The following ADARB2 variants were observed in gnomAD, a reference collection of about 807,000 sequenced individuals.
ADARB2 encodes adenosine deaminase RNA specific B2 (inactive), also known as inactive double-stranded RNA-specific editase B2.
Under a neutral mutation model 62.2 loss-of-function variants are expected in ADARB2, and 25 were observed. The ratio of observed to expected loss-of-function variants is 0.40; its 90% CI spans 0.29 to 0.56. The LOEUF is 0.56. ADARB2 is among the 20% of genes least tolerant of loss of function. ADARB2 has a pLI of 0.43. For synonymous variants in ADARB2, 572 were observed against 500.8 expected, an observed-to-expected ratio of 1.14 and a Z score of -1.90; for missense variants, 1,071 against 1,077.4, an observed-to-expected ratio of 0.99 and a Z score of 0.08.
intron 1 of ADARB2, among the ~76,000 whole-genome samples, chr10:1,597,651 G>C (rs1833352326): frequency 1.3e-5 from 2 of 152,200 alleles, no homozygotes; most frequent in Non-Finnish European, 2.9e-5. Flanking sequence ...GAAGCAAAGG[G>C]AATGCTACTA....
intron 3 of ADARB2, among the ~76,000 whole-genome samples, chr10:1,340,759 G>A (rs1589197426): frequency 2.1e-5 from 3 of 140,776 alleles, no homozygotes; most frequent in African/African-American, 8.4e-5. Flanking sequence ...AGAACCACGT[G>A]CCCCACAGCG....
rs761176439 is a variant in ADARB2 at position 1,363,229 on chromosome 10, G to A, written c.876C>T (p.Tyr292=). Reference sequence around the variant, plus strand: ...GCTCGGCCGGTTCTGCCAGACACACGTAGCGCAGCCCGGCGCGCAGGCGGT... The same window carrying A: ...GCTCGGCCGGTTCTGCCAGACACACATAGCGCAGCCCGGCGCGCAGGCGGT... ...LLNRLRAGLR[Y]VCLAEPAERR... is the part of the protein sequence containing the mutation. The change falls in exon 3 of 10, where the codon TAC becomes TAT. Residue 292 remains tyrosine, a synonymous_variant. Transcript: ENST00000381312. 4.2e-6 allele frequency: 6 copies of A among 1,423,590 alleles called. No individual in the cohort carries two copies. Among genetic ancestry groups the A allele is most frequent in the Middle Eastern group, 1.8e-4 (1 of 5,510 alleles). The allele number at this position is 1,423,590 out of a possible 1,614,324, so 88.2% of individuals were successfully genotyped here.
chr10:1,474,207 A>G (rs1430592816), intron 1 of ADARB2, among the ~76,000 whole-genome samples: 2 of 152,222 alleles, frequency 1.3e-5, no homozygotes, highest in Non-Finnish European at 2.9e-5. Flanking sequence ...CATCTTCTCC[A>G]TGGACACCCT....
At chr10:1,328,996 TAAAAAAAAA>T (rs376461606) in intron 3 of ADARB2, among the ~76,000 whole-genome samples, 3 of 75,678 alleles carry the variant, frequency 4.0e-5, no homozygotes, top group African/African-American at 1.8e-4. Flanking sequence ...GACCCTGTCT[TAAAAAAAAA>T]AAAAAAAAAA....
chr10:1,698,714 A>C (rs1834780336), intron 1 of ADARB2, among the ~76,000 whole-genome samples: 1 of 150,704 alleles, frequency 6.6e-6, no homozygotes, highest in Non-Finnish European at 1.5e-5. Flanking sequence ...TGTAATAAAA[A>C]CAGTGAAGGT....
intron 3 of ADARB2, chr10:1,292,721 GCCACTGCCCGCTGACGGC>G (rs1192141994): frequency 6.6e-6 from 1 of 152,202 alleles, no homozygotes; most frequent in Non-Finnish European, 1.5e-5. Flanking sequence ...AGGCTGCGAT[GCCACTGCCCGCTGACGGC>G]CCACTTGCCA....
chr10:1,659,199 G>A (rs990267026), intron 1 of ADARB2, among the ~76,000 whole-genome samples: 4 of 152,166 alleles, frequency 2.6e-5, no homozygotes, highest in East Asian at 1.9e-4. Context: ...ATTTATCAGC[G>A]GCAGTATACC....
intron 1 of ADARB2, among the ~76,000 whole-genome samples, chr10:1,706,479 A>G (rs1164897196): frequency 6.6e-6 from 1 of 152,210 alleles, no homozygotes; most frequent in Non-Finnish European, 1.5e-5. Flanking sequence ...GTATTTACAT[A>G]TTCAGGCAAC....
intron 3 of ADARB2, 30 bp downstream of exon 3, chr10:1,362,998 C>G: frequency 2.3e-6 from 3 of 1,302,000 alleles, no homozygotes; most frequent in Non-Finnish European, 2.9e-6. Flanking sequence ...CAGCGCCGCC[C>G]GTTCCCCCTG....
intron 1 of ADARB2, among the ~76,000 whole-genome samples, chr10:1,417,875 G>A (rs1005969620): frequency 6.6e-6 from 1 of 152,262 alleles, no homozygotes. Flanking sequence ...GGGCCCCAAG[G>A]CACCTCAAAG....
chr10:1,502,162 C>A (rs1010133354), intron 1 of ADARB2, among the ~76,000 whole-genome samples: 5 of 152,228 alleles, frequency 3.3e-5, no homozygotes, highest in South Asian at 2.1e-4. Flanking sequence ...GCTTTCACAG[C>A]GAAAGGAGAC....
At chr10:1,246,955 C>G (rs1365872806) in intron 4 of ADARB2, among the ~76,000 whole-genome samples, 2 of 151,944 alleles carry the variant, frequency 1.3e-5, no homozygotes, top group African/African-American at 4.8e-5. Context: ...TTGATTCTTC[C>G]CACCCATGAG....
intron 1 of ADARB2, among the ~76,000 whole-genome samples, chr10:1,717,452 CTCTT>C (rs1835033857): frequency 1.3e-5 from 2 of 151,942 alleles, no homozygotes; most frequent in African/African-American, 2.4e-5. Flanking sequence ...GGACTCCAGT[CTCTT>C]TCTTTCTTTT....
chr10:1,516,866 G>A (rs1452966537), intron 1 of ADARB2, among the ~76,000 whole-genome samples: 1 of 152,220 alleles, frequency 6.6e-6, no homozygotes, highest in Admixed American at 6.5e-5. Flanking sequence ...GCGCATGGAA[G>A]TTGGCTGGGT....
At chr10:1,599,808 C>A (rs1395835112) in intron 1 of ADARB2, among the ~76,000 whole-genome samples, 1 of 152,102 alleles carries the variant, frequency 6.6e-6, no homozygotes, top group African/African-American at 2.4e-5. Context: ...TACAGTGGTG[C>A]TATCACAGCT....
intron 1 of ADARB2, among the ~76,000 whole-genome samples, chr10:1,526,224 A>T (rs1832139879): frequency 1.4e-5 from 2 of 143,964 alleles, no homozygotes; most frequent in Non-Finnish European, 3.0e-5. Context: ...CAGGTGGGGT[A>T]GGTGGGGCAG....
chr10:1,674,071 T>A (rs1834429571), intron 1 of ADARB2, among the ~76,000 whole-genome samples: 1 of 152,218 alleles, frequency 6.6e-6, no homozygotes, highest in Non-Finnish European at 1.5e-5. Flanking sequence ...TGCAATCCCC[T>A]GAAGTCGATG....
chr10:1,269,112 T>G (rs1349326418), intron 4 of ADARB2, among the ~76,000 whole-genome samples: 1 of 151,270 alleles, frequency 6.6e-6, no homozygotes, highest in Non-Finnish European at 1.5e-5. Flanking sequence ...CTCCCCTTTC[T>G]ACTCCCTCCC....
At position 1,199,980 on chromosome 10, in the gene ADARB2, C is replaced by T. The variant is rs1207635131; in HGVS notation, c.1850G>A (p.Arg617Gln). 2 of 1,561,404 alleles carry T rather than the reference C, an allele frequency of 1.3e-6. No homozygotes were observed. Among genetic ancestry groups the T allele is most frequent in the Non-Finnish European group, 1.7e-6 (2 of 1,156,632 alleles). Residue 617 changes from arginine to glutamine, a missense_variant, in exon 8 of 10, where the codon CGG (arginine) becomes CAG (glutamine). Transcript: ENST00000381312. ...GGGGTTCTTACCGCTGAGGAGAGGC[C>T]GGTTGTGCCGGTAGGAGGCGGGCAG... ...GQLPASYRHNRPLLSGVSDAE... is the reference protein window; with the variant it reads ...GQLPASYRHNQPLLSGVSDAE...
Sources: allele counts gnomAD v4.1 joint callset (sites outside exome capture counted in the v4.1 genomes callset), GRCh38; gene constraint gnomAD v4.1.1; transcripts MANE v1.5; gene names NCBI Gene and HGNC (gene_info 2026-07-23, HGNC 2026-07-21).